Variants in EZH2 observed in about 807,000 individuals in gnomAD.
EZH2 encodes enhancer of zeste 2 polycomb repressive complex 2 subunit, also known as histone-lysine N-methyltransferase EZH2.
Under a neutral mutation model 98.4 loss-of-function variants are expected in EZH2, and 18 were observed. The observed-to-expected ratio is 0.18, with a 90% CI of 0.13 to 0.27. The LOEUF is 0.27. EZH2 is among the 10% of genes least tolerant of loss of function. EZH2 has a pLI of 1.00. For synonymous variants in EZH2, 338 were observed against 312.3 expected (o/e 1.08, Z -0.87); for missense variants, 470 against 935.1 (o/e 0.50, Z 6.49).
At chr7:148,847,066 C>T (rs774203661) in intron 2 of EZH2, 116 bp downstream of exon 2, 15 of 1,220,346 alleles carry the variant, frequency 1.2e-5, no homozygotes, top group Non-Finnish European at 1.5e-5. Flanking sequence ...ATTCACTCAT[C>T]TTATTGTAAA....
intron 1 of EZH2, among the ~76,000 whole-genome samples, chr7:148,881,296 A>T (rs555466074): frequency 1.3e-5 from 2 of 152,362 alleles, no homozygotes; most frequent in African/African-American, 2.4e-5. Context: ...CCTTGAGCAC[A>T]CTACCTCAAA....
chr7:148,870,828 C>A (rs1204309920), intron 1 of EZH2, among the ~76,000 whole-genome samples: 1 of 151,642 alleles, frequency 6.6e-6, no homozygotes, highest in African/African-American at 2.4e-5. Context: ...ACTCAGGAGG[C>A]TGAGGCAGGA....
intron 1 of EZH2, chr7:148,883,515 A>G (rs1181698293): frequency 6.6e-6 from 1 of 150,968 alleles, no homozygotes; most frequent in African/African-American, 2.4e-5. Flanking sequence ...TCGTCCCGCG[A>G]GCGCCGCGGC....
At chr7:148,872,611 T>G (rs1170728691) in intron 1 of EZH2, among the ~76,000 whole-genome samples, 2 of 152,210 alleles carry the variant, frequency 1.3e-5, no homozygotes, top group Non-Finnish European at 2.9e-5. Flanking sequence ...TAGGAACTCA[T>G]GTATCTACAA....
At chr7:148,846,437 T>C (rs1275823490) in intron 3 of EZH2, 33 bp downstream of exon 3, 6 of 1,590,138 alleles carry the variant, frequency 3.8e-6, no homozygotes, top group African/African-American at 1.3e-5. Context: ...CAAAAGATGA[T>C]GATAATTACT....
At chr7:148,839,089 G>GA (rs1303268428) in intron 3 of EZH2, among the ~76,000 whole-genome samples, 3 of 146,430 alleles carry the variant, frequency 2.0e-5, no homozygotes, top group African/African-American at 8.3e-5. Flanking sequence ...AGGAAGGAAG[G>GA]AAGGAAGGAA....
intron 1 of EZH2, among the ~76,000 whole-genome samples, chr7:148,869,758 T>A (rs1306646989): frequency 6.6e-6 from 1 of 152,246 alleles, no homozygotes; most frequent in African/African-American, 2.4e-5. Flanking sequence ...AGATACTCAG[T>A]AAACACAAGT....
rs1462379572 is a variant in EZH2, at chr7:148,816,685, G to A, written c.1504C>T (p.Arg502Trp). The change falls in exon 12 of 20, where the codon CGG (arginine) becomes TGG (tryptophan). Residue 502 changes from arginine (R) to tryptophan (W), a missense_variant and splice_region_variant. Physicochemically the swap from Arg to Trp is moderately radical, Grantham distance 101. Around this residue, in one of 6 missense-constraint regions of EZH2, gnomAD observed 106 missense variants for 327.2 expected, o/e 0.32. Coordinates refer to ENST00000320356, the MANE Select transcript of EZH2 (RefSeq NM_004456.5). ...TPPRKKKRKH[R>W]LWAAHCRKIQ... ...TAAGGAGCTTCATGACAGACTCACC[G>A]GTGTTTCCTCTTCTTTTTCCTTGGA... 4 of 1,611,922 alleles carry A rather than the reference G, an allele frequency of 2.5e-6. No individual in the cohort carries two copies. Among genetic ancestry groups the A allele is most frequent in the East Asian group, 2.2e-5 (1 of 44,860 alleles).
intron 3 of EZH2, chr7:148,836,839 A>G (rs1811044166): frequency 2.0e-6 from 1 of 502,844 alleles, no homozygotes; most frequent in African/African-American, 1.9e-5. Flanking sequence ...AGCTGGTACA[A>G]TAGGCGACTG....
chr7:148,829,220 A>G (rs1209681341), intron 5 of EZH2, among the ~76,000 whole-genome samples: 1 of 152,126 alleles, frequency 6.6e-6, no homozygotes, highest in Non-Finnish European at 1.5e-5. Flanking sequence ...TTCTGCTGAT[A>G]ATGACAATGG....
At chr7:148,831,283 T>C (rs979404311) in intron 4 of EZH2, among the ~76,000 whole-genome samples, 2 of 152,252 alleles carry the variant, frequency 1.3e-5, no homozygotes, top group African/African-American at 2.4e-5. Flanking sequence ...TGTATTCATA[T>C]ATTCAAATTC....
At chr7:148,871,589 T>C (rs1585290798) in intron 1 of EZH2, among the ~76,000 whole-genome samples, 2 of 150,930 alleles carry the variant, frequency 1.3e-5, no homozygotes, top group East Asian at 3.9e-4. Context: ...TTTTTTTTTT[T>C]TTTGAGCAGG....
chr7:148,827,363 A>G, intron 6 of EZH2, 97 bp from the exon 7 acceptor site: 1 of 825,528 alleles, frequency 1.2e-6, no homozygotes, highest in Non-Finnish European at 1.9e-6. Context: ...AACAAAGCTG[A>G]TTTTCTAAGA....
intron 1 of EZH2, chr7:148,883,201 C>T (rs995523333): frequency 6.6e-6 from 1 of 152,202 alleles, no homozygotes; most frequent in African/African-American, 2.4e-5. Flanking sequence ...ACTCACTAGG[C>T]GTTCACCAAG....
chr7:148,835,423 CAAAAA>C (rs545080861), intron 3 of EZH2, among the ~76,000 whole-genome samples: 3 of 71,410 alleles, frequency 4.2e-5, no homozygotes, highest in Admixed American at 1.6e-4. Context: ...GACCCCGCCT[CAAAAA>C]AAAAAAAAAA....
In EZH2 at chr7:148,819,598, A is replaced by C. The variant is rs746749718; in HGVS notation, c.997T>G (p.Leu333Val). The part of the protein sequence containing the change: ...KPCGPQCYQH[L>V]EGAKEFAAAL... Reference sequence around the variant, plus strand: ...AATAATTAGGCACTAAGTCTTACCAAATGCTGGTAACACTGTGGTCCACAA... The same window carrying C: ...AATAATTAGGCACTAAGTCTTACCACATGCTGGTAACACTGTGGTCCACAA... Residue 333 changes from leucine to valine, a missense_variant and splice_region_variant, in exon 9 of 20, where the codon TTG (leucine) becomes GTG (valine). By Grantham distance (32) the Leu-to-Val change is conservative. This residue lies in a region of EZH2 where 192 missense variants were observed against 306.8 expected (regional missense o/e 0.63). Transcript: ENST00000320356. 4 of 1,612,928 alleles carry C rather than the reference A, an allele frequency of 2.5e-6. No homozygotes were observed. Among genetic ancestry groups the C allele is most frequent in the Non-Finnish European group, 3.4e-6 (4 of 1,179,030 alleles).
At chr7:148,841,642 C>T (rs564783979) in intron 3 of EZH2, among the ~76,000 whole-genome samples, 11 of 152,238 alleles carry the variant, frequency 7.2e-5, no homozygotes, top group Admixed American at 2.0e-4. Context: ...CATGTTACTA[C>T]ACTCAAAGAA....
intron 5 of EZH2, 123 bp downstream of exon 5, chr7:148,829,605 T>TAA (rs1325667490): frequency 9.3e-7 from 1 of 1,074,916 alleles, no homozygotes; most frequent in Admixed American, 2.8e-5. Flanking sequence ...TTCAGTCCCT[T>TAA]ATAGTTCAGT....
intron 1 of EZH2, among the ~76,000 whole-genome samples, chr7:148,863,236 T>C (rs189280128): frequency 4.6e-5 from 7 of 152,148 alleles, no homozygotes; most frequent in African/African-American, 1.7e-4. Flanking sequence ...ACAGAGAACC[T>C]AGAACAGACA....
Sources: allele counts gnomAD v4.1 joint callset (sites outside exome capture counted in the v4.1 genomes callset), GRCh38; gene constraint gnomAD v4.1.1; regional missense constraint gnomAD v4.1.1; transcripts MANE v1.5; gene names NCBI Gene and HGNC (gene_info 2026-07-23, HGNC 2026-07-21).